CLEC16A: variants seen among roughly 807,000 people sequenced by gnomAD.
CLEC16A encodes C-type lectin domain containing 16A.
A neutral mutation model predicts 109.5 loss-of-function variants in CLEC16A; 51 were observed. The ratio of observed to expected loss-of-function variants is 0.47; its 90% CI spans 0.37 to 0.59. CLEC16A has a LOEUF of 0.59. CLEC16A is among the 20% of genes least tolerant of loss of function. The pLI is 0.00. For missense variants in CLEC16A, 1,339 were observed against 1,394.0 expected (o/e 0.96, Z 0.63); for synonymous variants, 673 against 564.2 (o/e 1.19, Z -2.73).
At chr16:11,078,613 A>G (rs1487233423) in intron 19 of CLEC16A, among the ~76,000 whole-genome samples, 3 of 152,146 alleles carry the variant, frequency 2.0e-5, no homozygotes, top group Non-Finnish European at 2.9e-5. Context: ...ACATTTCTCA[A>G]TGAGGAGTGG....
rs2053294481 is a variant in CLEC16A, at chr16:11,132,673, A to G, written c.2641+6527A>G. ...TTCATAGTCCTTAGCTTTAGCTGAA[A>G]TTGCCTCTTGTATTCCTTGTTCTCT... On this transcript the variant is annotated intron_variant, in intron 22 of 23. Transcript: ENST00000409790. Among the ~76,000 whole-genome samples the G allele has an allele frequency of 1.3e-5, 2 of 152,324 alleles. 1 individual carries two copies. The highest frequency in any genetic ancestry group is 6.8e-3 in the Middle Eastern group (2 of 294).
At chr16:11,143,563 G>C (rs1000060251) in intron 22 of CLEC16A, among the ~76,000 whole-genome samples, 17 of 152,152 alleles carry the variant, frequency 1.1e-4, no homozygotes, top group Non-Finnish European at 1.3e-4. Flanking sequence ...AAAACAAAGG[G>C]CTTAAGTGAA....
At chr16:11,128,301 C>T (rs1287291416) in intron 22 of CLEC16A, among the ~76,000 whole-genome samples, 2 of 152,252 alleles carry the variant, frequency 1.3e-5, no homozygotes, top group African/African-American at 4.8e-5. Flanking sequence ...ACCTCTTCTA[C>T]CCTGCCTGGC....
intron 22 of CLEC16A, chr16:11,126,446 T>A (rs562478010): frequency 8.4e-6 from 11 of 1,306,862 alleles, no homozygotes; most frequent in Non-Finnish European, 1.1e-5. Flanking sequence ...TTTAAATGAT[T>A]AGTGCTGAAG....
intron 22 of CLEC16A, among the ~76,000 whole-genome samples, chr16:11,131,756 C>T (rs1000709246): frequency 3.0e-4 from 45 of 152,226 alleles, no homozygotes; most frequent in Non-Finnish European, 1.3e-4. Context: ...TCACCAGCCC[C>T]TCTCTGTGGC....
intron 22 of CLEC16A, among the ~76,000 whole-genome samples, chr16:11,138,487 C>G (rs2053672547): frequency 6.6e-6 from 1 of 152,204 alleles, no homozygotes; most frequent in African/African-American, 2.4e-5. Flanking sequence ...TGGGTTTTAA[C>G]TGACTGGAGT....
chr16:11,068,381 A>G (rs1365175014), intron 19 of CLEC16A, among the ~76,000 whole-genome samples: 1 of 152,168 alleles, frequency 6.6e-6, no homozygotes, highest in Non-Finnish European at 1.5e-5. Context: ...GTAAAAACCT[A>G]GCTATCACCT....
intron 22 of CLEC16A, among the ~76,000 whole-genome samples, chr16:11,154,786 G>A (rs1257586253): frequency 1.3e-5 from 2 of 152,114 alleles, no homozygotes; most frequent in Admixed American, 1.3e-4. Flanking sequence ...AATTAGACAG[G>A]TGTGGTGGCA....
At chr16:11,058,524 C>CTTT (rs200231041) in intron 18 of CLEC16A, among the ~76,000 whole-genome samples, 1 of 146,804 alleles carries the variant, frequency 6.8e-6, no homozygotes. Flanking sequence ...AGATGCAACC[C>CTTT]TTTTTTTTTT....
chr16:11,119,255 G>T (rs544126995), intron 19 of CLEC16A, among the ~76,000 whole-genome samples: 1 of 152,060 alleles, frequency 6.6e-6, no homozygotes. Flanking sequence ...TGCCCACCTC[G>T]GCCTCCCAGA....
Position 11,178,604 on chromosome 16 carries a change from C to G in CLEC16A, c.3076C>G (p.Pro1026Ala), listed in dbSNP as rs747375673. The G allele has an allele frequency of 6.2e-7, 1 of 1,606,338 alleles. No homozygotes were observed. The highest frequency in any genetic ancestry group is 1.1e-5 in the South Asian group (1 of 90,670). ...HSLRSLTGMP[P>A]LSTPAAACTE... ...CCTCCGCAGCCTCACCGGCATGCCC[C>G]CGCTGTCCACGCCGGCTGCCGCCTG... Residue 1026 changes from proline to alanine, a missense_variant, in exon 24 of 24, where the codon CCG (proline) becomes GCG (alanine). Pro to Ala is a conservative substitution (Grantham distance 27). Coordinates refer to ENST00000409790, the MANE Select transcript of CLEC16A (RefSeq NM_015226.3). The surrounding 1 kb of genome is among the most constrained non-coding windows in gnomAD (Gnocchi z 6.5).
chr16:11,006,077 C>T (rs2044987955), intron 11 of CLEC16A, among the ~76,000 whole-genome samples: 1 of 151,930 alleles, frequency 6.6e-6, no homozygotes, highest in Non-Finnish European at 1.5e-5. Context: ...TCCTGGGAAG[C>T]TTGGACAGGG....
intron 22 of CLEC16A, among the ~76,000 whole-genome samples, chr16:11,132,125 G>A (rs546465505): frequency 1.0e-3 from 153 of 152,214 alleles, no homozygotes; most frequent in African/African-American, 3.5e-3. Flanking sequence ...CAATTCAGTG[G>A]CATTTAGAAC....
intron 10 of CLEC16A, among the ~76,000 whole-genome samples, chr16:10,997,012 A>G (rs1208012176): frequency 6.6e-6 from 1 of 152,214 alleles, no homozygotes; most frequent in African/African-American, 2.4e-5. Flanking sequence ...CCCAGGCTGG[A>G]GTGCAGTGGC....
chr16:11,136,096 C>G (rs1364538902), intron 22 of CLEC16A: 3 of 152,308 alleles, frequency 2.0e-5, no homozygotes, highest in African/African-American at 7.2e-5. Context: ...AGGTGAGAAG[C>G]AGCAGAATGA....
At chr16:11,007,222 C>T (rs991419941) in intron 11 of CLEC16A, among the ~76,000 whole-genome samples, 4 of 152,204 alleles carry the variant, frequency 2.6e-5, no homozygotes, top group Non-Finnish European at 1.5e-5. Flanking sequence ...GAAATTCCAG[C>T]AAGGGCATGA....
rs781615837 is a variant in CLEC16A at position 11,174,236 on chromosome 16, C to T, written c.2807-4099C>T. The T allele has an allele frequency of 6.4e-6, 3 of 467,744 alleles. No individual in the cohort carries two copies. The highest frequency in any genetic ancestry group is 3.3e-4 in the Middle Eastern group (1 of 3,070). 29.0% of individuals were successfully genotyped at this position (467,744 alleles called of 1,614,324 possible). A position where few individuals can be genotyped will look rare whatever the true frequency, so the allele number is the denominator to read the frequency against. ...ATGGCGGCCACTGGGTTTAGTGCTC[C>T]GAACGGCAGCTGCCACGGCACCTCA... is the stretch of plus-strand genomic sequence containing the variant. On this transcript the variant is annotated intron_variant, in intron 23 of 23. Transcript: ENST00000409790. This position sits in a 1 kb window ranked among gnomAD's most constrained non-coding sequence, Gnocchi z 4.7.
chr16:11,056,685 T>C (rs1295266969), intron 18 of CLEC16A: 1 of 152,236 alleles, frequency 6.6e-6, no homozygotes, highest in Non-Finnish European at 1.5e-5. Flanking sequence ...TATTTTGCTT[T>C]ATTTTTTCGA....
intron 20 of CLEC16A, among the ~76,000 whole-genome samples, chr16:11,121,878 T>C (rs1395668837): frequency 3.3e-5 from 1 of 30,130 alleles, no homozygotes; most frequent in African/African-American, 1.4e-4. Flanking sequence ...AGACCCTGTC[T>C]CAAAAAAAAA....
Sources: allele counts gnomAD v4.1 joint callset (sites outside exome capture counted in the v4.1 genomes callset), GRCh38; gene constraint gnomAD v4.1.1; non-coding constraint Gnocchi (gnomAD v3.1); transcripts MANE v1.5; gene names NCBI Gene and HGNC (gene_info 2026-07-23, HGNC 2026-07-21).